Variants in MICAL3 observed in about 807,000 individuals in gnomAD.
MICAL3 encodes [F-actin]-monooxygenase MICAL3.
MICAL3 carries 62 observed loss-of-function variants against 207.4 expected under a neutral mutation model. The observed-to-expected ratio is 0.30, with a 90% CI of 0.24 to 0.37. The LOEUF is 0.37. MICAL3 is among the 10% of genes least tolerant of loss of function. The pLI is 1.00. For missense variants in MICAL3, 2,368 were observed against 2,635.6 expected, an observed-to-expected ratio of 0.90 and a Z score of 2.22; for synonymous variants, 1,077 against 1,069.3, an observed-to-expected ratio of 1.01 and a Z score of -0.14.
chr22:18,010,919 A>T (rs1327968022), intron 1 of MICAL3, among the ~76,000 whole-genome samples: 1 of 152,194 alleles, frequency 6.6e-6, no homozygotes, highest in Non-Finnish European at 1.5e-5. Context: ...AAAAATAAAC[A>T]CAATTGTAAA....
At chr22:17,936,277 G>T (rs1190718259) in intron 1 of MICAL3, among the ~76,000 whole-genome samples, 2 of 152,164 alleles carry the variant, frequency 1.3e-5, no homozygotes, top group Non-Finnish European at 2.9e-5. Context: ...CCTTTGCAGG[G>T]ACATGGATGA....
At chr22:17,848,515 A>G (rs1924878535) in intron 19 of MICAL3, among the ~76,000 whole-genome samples, 1 of 152,210 alleles carries the variant, frequency 6.6e-6, no homozygotes, top group Non-Finnish European at 1.5e-5. Context: ...GTCAAAATAC[A>G]GTGAAGAATC....
chr22:17,884,440 C>G, intron 16 of MICAL3: 2 of 1,047,430 alleles, frequency 1.9e-6, no homozygotes, highest in Non-Finnish European at 2.8e-6. Context: ...GGGAGAAGAA[C>G]AGAAAGAACT....
At chr22:17,966,672 A>T (rs1935157543) in intron 1 of MICAL3, among the ~76,000 whole-genome samples, 1 of 152,196 alleles carries the variant, frequency 6.6e-6, no homozygotes, top group Non-Finnish European at 1.5e-5. Context: ...GGTGATAAAG[A>T]CAGTACCAAC....
At chr22:17,816,539 C>T (rs1921016553) in intron 27 of MICAL3, 151 bp downstream of exon 27, 1 of 661,586 alleles carries the variant, frequency 1.5e-6, no homozygotes, top group East Asian at 2.7e-5. Context: ...CGCCTCAGTG[C>T]ATAGGGCTGG....
chr22:17,929,847 C>T (rs753962794), intron 1 of MICAL3, among the ~76,000 whole-genome samples: 2 of 152,196 alleles, frequency 1.3e-5, no homozygotes, highest in African/African-American at 2.4e-5. Context: ...GGATTACAGG[C>T]GTGAGCCACT....
rs78616323 is a variant in MICAL3, at chr22:17,818,834, G to A, written c.3827C>T (p.Thr1276Ile). The A allele has an allele frequency of 7.6e-3, 11,844 of 1,554,622 alleles. 857 individuals carry two copies. In the East Asian group the frequency reaches 0.19, roughly 25 times the overall value. Residue 1276 changes from threonine to isoleucine, a missense_variant, in exon 26 of 32, where the codon ACC becomes ATC. Coordinates refer to ENST00000441493, the MANE Select transcript of MICAL3 (RefSeq NM_015241.3). ...AGGCTGGAAGCGTATGGGGGACTGG[G>A]TAGGGGATGGGACAGTGGCCTCGGT... ...PSTEATVPSP[T>I]QSPIRFQPAP...
At chr22:17,967,465 C>CAT (rs1162990236) in intron 1 of MICAL3, among the ~76,000 whole-genome samples, 1 of 110,022 alleles carries the variant, frequency 9.1e-6, no homozygotes, top group Non-Finnish European at 2.0e-5. Context: ...TACATGCAAA[C>CAT]ACACACACAC....
chr22:17,925,815 C>A (rs1012184951), intron 1 of MICAL3, among the ~76,000 whole-genome samples: 12 of 152,294 alleles, frequency 7.9e-5, no homozygotes, highest in African/African-American at 2.9e-4. Context: ...GATCTTAGCA[C>A]CACAGCCAAG....
At chr22:17,979,793 A>C (rs988496514) in intron 1 of MICAL3, among the ~76,000 whole-genome samples, 30 of 135,302 alleles carry the variant, frequency 2.2e-4, no homozygotes, top group Non-Finnish European at 2.7e-4. Context: ...ACAAAAAAAA[A>C]CAAAAAAAAA....
At chr22:17,962,448 G>A (rs1472720182) in intron 1 of MICAL3, among the ~76,000 whole-genome samples, 2 of 152,200 alleles carry the variant, frequency 1.3e-5, no homozygotes, top group African/African-American at 4.8e-5. Flanking sequence ...AGCCGGGCAG[G>A]AGAGCTGGTG....
At position 17,902,894 on chromosome 22, in the gene MICAL3, C is replaced by A. The variant is rs529792490; in HGVS notation, c.473-147G>T. On this transcript the variant is annotated intron_variant, in intron 3 of 31. Coordinates refer to ENST00000441493, the MANE Select transcript of MICAL3 (RefSeq NM_015241.3). The surrounding 1 kb of genome is among the most constrained non-coding windows in gnomAD (Gnocchi z 4.5). ...TGTAGCAGGAGACCTTCCAAAGCCA[C>A]GCTCTGTAACTTCTTCCTTTCTTAA... 3.4e-6 allele frequency: 2 copies of A among 589,148 alleles called. No homozygotes were observed. The highest frequency in any genetic ancestry group is 1.9e-5 in the African/African-American group (1 of 53,564). 36.5% of individuals were successfully genotyped at this position (589,148 alleles called of 1,614,324 possible).
At chr22:17,859,987 G>C (rs1200122346) in intron 19 of MICAL3, among the ~76,000 whole-genome samples, 1 of 152,284 alleles carries the variant, frequency 6.6e-6, no homozygotes, top group South Asian at 2.1e-4. Context: ...AGCTATGTCA[G>C]GTATAAAAAC....
At chr22:17,928,070 T>C (rs759771358) in intron 1 of MICAL3, among the ~76,000 whole-genome samples, 2 of 152,164 alleles carry the variant, frequency 1.3e-5, no homozygotes, top group African/African-American at 2.4e-5. Context: ...TACTTTACTA[T>C]ATGCAGCATA....
At chr22:17,852,660 T>A (rs1011534813) in intron 19 of MICAL3, among the ~76,000 whole-genome samples, 3 of 152,236 alleles carry the variant, frequency 2.0e-5, no homozygotes, top group African/African-American at 7.2e-5. Flanking sequence ...CTGAGGCTCC[T>A]GGGTCTAACC....
intron 17 of MICAL3, 47 bp downstream of exon 17, chr22:17,871,790 G>A: frequency 6.5e-7 from 1 of 1,537,472 alleles, no homozygotes; most frequent in South Asian, 1.2e-5. Flanking sequence ...TGGAAACACT[G>A]TCCAAGCACA....
intron 17 of MICAL3, among the ~76,000 whole-genome samples, chr22:17,869,232 G>A (rs1196172689): frequency 6.6e-6 from 1 of 152,208 alleles, no homozygotes; most frequent in Non-Finnish European, 1.5e-5. Context: ...GGCTCTGTCT[G>A]CACGGCAGCG....
At chr22:17,853,576 T>C (rs569226435) in intron 19 of MICAL3, among the ~76,000 whole-genome samples, 9 of 152,372 alleles carry the variant, frequency 5.9e-5, no homozygotes, top group Non-Finnish European at 1.0e-4. Flanking sequence ...TCTTAACTTA[T>C]GCGCTCTTCA....
At chr22:17,964,112 A>G (rs1354741526) in intron 1 of MICAL3, among the ~76,000 whole-genome samples, 2 of 152,236 alleles carry the variant, frequency 1.3e-5, no homozygotes, top group African/African-American at 4.8e-5. Flanking sequence ...TCTCCAGGAC[A>G]TTACAAACAA....
Sources: gnomAD v4.1 joint callset for allele counts (sites outside exome capture counted in the v4.1 genomes callset) on GRCh38, gnomAD v4.1.1 for gene constraint, Gnocchi (gnomAD v3.1) non-coding constraint, MANE v1.5 for transcripts, NCBI Gene and HGNC (gene_info 2026-07-23, HGNC 2026-07-21) for gene names.